Variants in NGEF observed in about 807,000 individuals in gnomAD.
The protein encoded by NGEF is neuronal guanine nucleotide exchange factor, also known as ephexin-1.
A neutral mutation model predicts 80.9 loss-of-function variants in NGEF; 31 were observed. The ratio of observed to expected loss-of-function variants is 0.38; its 90% CI spans 0.29 to 0.52. NGEF has a LOEUF of 0.52. NGEF is among the 20% of genes least tolerant of loss of function. The pLI, the probability that NGEF is intolerant of heterozygous loss-of-function variation, is 0.84. For missense variants in NGEF, 709 were observed against 926.2 expected, an observed-to-expected ratio of 0.77 and a Z score of 3.04; for synonymous variants, 371 against 370.2, an observed-to-expected ratio of 1.00 and a Z score of -0.03.
chr2:232,958,879 C>T (rs1693888846), intron 3 of NGEF, among the ~76,000 whole-genome samples: 1 of 152,106 alleles, frequency 6.6e-6, no homozygotes, highest in Admixed American at 6.6e-5. Context: ...CCACTCCCAC[C>T]CACTCCTCCC....
rs777312558 is a variant in NGEF, at chr2:232,881,247, C to T, written c.1841G>A (p.Cys614Tyr). 1.2e-6 allele frequency: 2 copies of T among 1,606,428 alleles called. No individual in the cohort carries two copies. Among genetic ancestry groups the T allele is most frequent in the African/African-American group, 2.7e-5 (2 of 74,892 alleles). Reference protein sequence around the residue: ...FVSFTSRLLDCPQVQCVHPYV... With the variant: ...FVSFTSRLLDYPQVQCVHPYV... ...TGGGTGCACGCACTGGACCTGGGGG[C>T]AGTCTGAGGGACAAGAGGCACGGGC... Residue 614 changes from cysteine (C) to tyrosine (Y), a missense_variant, in exon 14 of 15, where the codon TGC (cysteine) becomes TAC (tyrosine). Transcript: ENST00000264051.
At chr2:232,899,225 G>A (rs1352221927) in intron 5 of NGEF, among the ~76,000 whole-genome samples, 1 of 152,034 alleles carries the variant, frequency 6.6e-6, no homozygotes, top group Non-Finnish European at 1.5e-5. Flanking sequence ...GTGTGTGAAT[G>A]TGTGCATATG....
At chr2:232,997,228 G>C (rs1310935086) in intron 1 of NGEF, among the ~76,000 whole-genome samples, 2 of 152,214 alleles carry the variant, frequency 1.3e-5, no homozygotes, top group Non-Finnish European at 2.9e-5. Flanking sequence ...CTGGGAACCT[G>C]CTTTTCTAAC....
chr2:232,883,717 C>T (rs1206443772), intron 11 of NGEF, among the ~76,000 whole-genome samples: 1 of 152,202 alleles, frequency 6.6e-6, no homozygotes, highest in Non-Finnish European at 1.5e-5. Flanking sequence ...GCTGAGCACT[C>T]GCTATGTATC....
intron 2 of NGEF, among the ~76,000 whole-genome samples, chr2:232,972,956 C>T (rs1198127309): frequency 1.3e-5 from 2 of 152,058 alleles, no homozygotes; most frequent in East Asian, 1.9e-4. Flanking sequence ...GGAGTTTCAC[C>T]ATGTTGGCCA....
chr2:232,933,327 C>T (rs559381977), intron 3 of NGEF, among the ~76,000 whole-genome samples: 1 of 151,968 alleles, frequency 6.6e-6, no homozygotes, highest in African/African-American at 2.4e-5. Context: ...CCGTCTCCCC[C>T]AGCTCCCCTC....
intron 9 of NGEF, among the ~76,000 whole-genome samples, chr2:232,886,748 C>T (rs1691708480): frequency 6.6e-6 from 1 of 152,236 alleles, no homozygotes; most frequent in South Asian, 2.1e-4. Flanking sequence ...GGAGAGCCTT[C>T]TGGGGCACGT....
chr2:232,929,349 G>A (rs1693170482), intron 3 of NGEF, among the ~76,000 whole-genome samples: 1 of 152,222 alleles, frequency 6.6e-6, no homozygotes, highest in South Asian at 2.1e-4. Flanking sequence ...GATCAAGGGA[G>A]GGTTGGGGAG....
At chr2:232,921,897 G>A (rs751852094) in intron 4 of NGEF, among the ~76,000 whole-genome samples, 3 of 152,240 alleles carry the variant, frequency 2.0e-5, no homozygotes, top group Middle Eastern at 3.4e-3. Context: ...TGCCTGATTC[G>A]GGGACAGTTA....
chr2:232,885,237 G>A, intron 10 of NGEF, 43 bp downstream of exon 10: 1 of 1,573,046 alleles, frequency 6.4e-7, no homozygotes, highest in African/African-American at 1.3e-5. Context: ...GGGGCCAGGG[G>A]CCTGTGCATG....
intron 3 of NGEF, chr2:232,928,123 C>T: frequency 9.9e-7 from 1 of 1,007,616 alleles, no homozygotes; most frequent in Non-Finnish European, 1.2e-6. Context: ...ACCGGAGCTG[C>T]AGCCGCCGCC....
At chr2:232,934,446 G>A (rs1693287110) in intron 3 of NGEF, among the ~76,000 whole-genome samples, 1 of 151,726 alleles carries the variant, frequency 6.6e-6, no homozygotes, top group Admixed American at 6.6e-5. Flanking sequence ...GTTAAGATCA[G>A]CATAAAGTCT....
chr2:232,946,143 A>G (rs1215022057), intron 3 of NGEF, among the ~76,000 whole-genome samples: 1 of 151,984 alleles, frequency 6.6e-6, no homozygotes, highest in Non-Finnish European at 1.5e-5. Context: ...AGCTACCTAG[A>G]TAAGATTGGA....
intron 3 of NGEF, among the ~76,000 whole-genome samples, chr2:232,969,297 A>G (rs992323045): frequency 3.4e-5 from 5 of 148,156 alleles, no homozygotes; most frequent in African/African-American, 1.3e-4. Context: ...TTTTTTTTTA[A>G]TGGGGTCTTG....
intron 5 of NGEF, among the ~76,000 whole-genome samples, chr2:232,918,815 G>T (rs978218205): frequency 6.6e-6 from 1 of 151,656 alleles, no homozygotes; most frequent in African/African-American, 2.4e-5. Flanking sequence ...TTTTAGTAGA[G>T]ACTGGGTTTC....
At chr2:232,882,707 C>T (rs529891119) in intron 12 of NGEF, among the ~76,000 whole-genome samples, 9 of 152,294 alleles carry the variant, frequency 5.9e-5, no homozygotes, top group Middle Eastern at 3.4e-3. Flanking sequence ...GGGGCAGCTT[C>T]GGGGCCACGA....
At chr2:232,906,038 G>A (rs1355174969) in intron 5 of NGEF, among the ~76,000 whole-genome samples, 67 of 128,850 alleles carry the variant, frequency 5.2e-4, no homozygotes, top group African/African-American at 1.9e-3. Context: ...TCAGCCCCCC[G>A]CCCGGCCAGC....
chr2:232,981,428 G>A (rs1694414301), intron 1 of NGEF, among the ~76,000 whole-genome samples: 3 of 152,204 alleles, frequency 2.0e-5, no homozygotes, highest in South Asian at 4.1e-4. Flanking sequence ...TAGGGGTCCT[G>A]CAGCCTCTGA....
chr2:232,957,040 A>T (rs1321614762), intron 3 of NGEF, among the ~76,000 whole-genome samples: 2 of 152,220 alleles, frequency 1.3e-5, no homozygotes, highest in South Asian at 4.1e-4. Context: ...GGTAATTATG[A>T]TAAAGCTAAA....
Sources: gnomAD v4.1 joint callset for allele counts (sites outside exome capture counted in the v4.1 genomes callset) on GRCh38, gnomAD v4.1.1 for gene constraint, MANE v1.5 for transcripts, NCBI Gene and HGNC (gene_info 2026-07-23, HGNC 2026-07-21) for gene names.